GALNT14: variants seen among roughly 807,000 people sequenced by gnomAD.
The protein encoded by GALNT14 is UDP-GalNAc:polypeptide N-acetylgalactosaminyltransferase 14.
A neutral mutation model predicts 77.5 loss-of-function variants in GALNT14; 60 were observed. That is an observed-to-expected ratio of 0.77 (90% CI 0.63 to 0.96). The LOEUF (loss-of-function observed/expected upper bound fraction) is 0.96, where lower values mean the gene tolerates loss of function less well. Among genes scored for constraint, GALNT14 ranks in the 40% least tolerant of loss-of-function variants. GALNT14 has a pLI of 0.00. For missense variants in GALNT14, 710 were observed against 731.0 expected, an observed-to-expected ratio of 0.97 and a Z score of 0.33; for synonymous variants, 280 against 281.7, an observed-to-expected ratio of 0.99 and a Z score of 0.06.
chr2:30,960,591 C>T (rs1240030554), intron 3 of GALNT14, among the ~76,000 whole-genome samples: 3 of 152,046 alleles, frequency 2.0e-5, no homozygotes, highest in African/African-American at 4.8e-5. Flanking sequence ...GGAGCGATGG[C>T]GGAGTCCCCT....
chr2:30,938,363 C>A (rs1267291595), intron 9 of GALNT14, among the ~76,000 whole-genome samples: 1 of 144,302 alleles, frequency 6.9e-6, no homozygotes, highest in Non-Finnish European at 1.5e-5. Flanking sequence ...TCCTTTTACA[C>A]ACACACACAC....
chr2:30,894,705 C>T, the GALNT14 span, among the ~76,000 whole-genome samples: 1 of 152,220 alleles, frequency 6.6e-6, no homozygotes, highest in African/African-American at 2.4e-5. Context: ...CTCTGGTTGG[C>T]TATTACCCTG....
chr2:30,894,137 A>G, the GALNT14 span, among the ~76,000 whole-genome samples: 1 of 152,064 alleles, frequency 6.6e-6, no homozygotes, highest in East Asian at 1.9e-4. Context: ...GTGGCCTTTG[A>G]TAAGTTATTG....
At chr2:30,970,529 T>C (rs1668283682) in intron 2 of GALNT14, among the ~76,000 whole-genome samples, 1 of 152,108 alleles carries the variant, frequency 6.6e-6, no homozygotes, top group Admixed American at 6.5e-5. Context: ...CACGCCAGGT[T>C]CAGCTCATCG....
At chr2:30,959,704 T>C (rs925695072) in intron 3 of GALNT14, among the ~76,000 whole-genome samples, 12 of 152,232 alleles carry the variant, frequency 7.9e-5, no homozygotes, top group Admixed American at 2.0e-4. Context: ...ATTTGGTGCA[T>C]CATTAATGAT....
At chr2:30,986,637 A>T (rs1438143847) in intron 2 of GALNT14, among the ~76,000 whole-genome samples, 1 of 152,238 alleles carries the variant, frequency 6.6e-6, no homozygotes, top group Non-Finnish European at 1.5e-5. Context: ...AATGGCAAAA[A>T]ACGCAATTAC....
At chr2:30,994,795 A>G (rs985617729) in intron 1 of GALNT14, among the ~76,000 whole-genome samples, 4 of 152,156 alleles carry the variant, frequency 2.6e-5, no homozygotes, top group African/African-American at 7.2e-5. Flanking sequence ...GTGAGCCCTT[A>G]TGGTGCTCCG....
At chr2:30,922,880 G>T (rs567075028) in intron 13 of GALNT14, among the ~76,000 whole-genome samples, 6 of 152,308 alleles carry the variant, frequency 3.9e-5, no homozygotes, top group African/African-American at 1.4e-4. Flanking sequence ...GATAGATGAA[G>T]ATAAGGAATT....
At chr2:31,137,881 C>A in intron 1 of GALNT14, 77 bp downstream of exon 1, 2 of 1,526,776 alleles carry the variant, frequency 1.3e-6, no homozygotes, top group Admixed American at 2.1e-5. Context: ...TTCCCGGGAG[C>A]CCGCAAACCC....
At chr2:31,099,762 T>A (rs569043428) in intron 1 of GALNT14, among the ~76,000 whole-genome samples, 27 of 152,138 alleles carry the variant, frequency 1.8e-4, no homozygotes, top group Admixed American at 7.9e-4. Context: ...TGTGTGCATG[T>A]CTCTGTAGCA....
intron 1 of GALNT14, among the ~76,000 whole-genome samples, chr2:31,051,899 G>A (rs947553474): frequency 6.6e-6 from 1 of 152,154 alleles, no homozygotes; most frequent in Admixed American, 6.5e-5. Flanking sequence ...AAATAGCTTG[G>A]TGGACATTTC....
intron 1 of GALNT14, among the ~76,000 whole-genome samples, chr2:30,994,881 G>A (rs1016958665): frequency 2.0e-5 from 3 of 152,126 alleles, no homozygotes; most frequent in African/African-American, 7.2e-5. Context: ...AGACATGCAT[G>A]GAGATGCCTG....
intron 9 of GALNT14, among the ~76,000 whole-genome samples, chr2:30,941,544 T>C (rs1666376577): frequency 6.6e-6 from 1 of 152,084 alleles, no homozygotes; most frequent in African/African-American, 2.4e-5. Flanking sequence ...ATGGAATGGG[T>C]CTTTCTGACT....
At chr2:31,082,666 A>C (rs901322123) in intron 1 of GALNT14, among the ~76,000 whole-genome samples, 1 of 152,214 alleles carries the variant, frequency 6.6e-6, no homozygotes, top group Non-Finnish European at 1.5e-5. Context: ...TGGCATATGG[A>C]AAGTGCTCAA....
At chr2:30,958,193 T>C (rs1667480008) in intron 4 of GALNT14, among the ~76,000 whole-genome samples, 4 of 152,140 alleles carry the variant, frequency 2.6e-5, no homozygotes. Context: ...CTGCAGATTA[T>C]TGCAGAGAAC....
intron 1 of GALNT14, among the ~76,000 whole-genome samples, chr2:31,005,918 C>T (rs1243931525): frequency 6.6e-6 from 1 of 152,166 alleles, no homozygotes; most frequent in Non-Finnish European, 1.5e-5. Flanking sequence ...TTTTTATGCA[C>T]GTGGAGAGTG....
At chr2:31,062,558 A>G (rs998120479) in intron 1 of GALNT14, among the ~76,000 whole-genome samples, 4 of 152,164 alleles carry the variant, frequency 2.6e-5, no homozygotes, top group Non-Finnish European at 5.9e-5. Flanking sequence ...ATGATTTATA[A>G]TCTTTTGGGT....
At chr2:31,103,490 A>AACACACACACACACACAC (rs58852483) in intron 1 of GALNT14, among the ~76,000 whole-genome samples, 70 of 150,194 alleles carry the variant, frequency 4.7e-4, no homozygotes, top group African/African-American at 1.1e-3. Context: ...AGAAGAAGGA[A>AACACACACACACACACAC]ACACACACAC....
chr2:31,095,031 G>A (rs1315049214), intron 1 of GALNT14, among the ~76,000 whole-genome samples: 1 of 152,164 alleles, frequency 6.6e-6, no homozygotes, highest in Non-Finnish European at 1.5e-5. Context: ...TGAAGTCAAT[G>A]AACATATTCT....
Sources: gnomAD v4.1 joint callset for allele counts (sites outside exome capture counted in the v4.1 genomes callset) on GRCh38, gnomAD v4.1.1 for gene constraint, MANE v1.5 for transcripts, NCBI Gene and HGNC (gene_info 2026-07-23, HGNC 2026-07-21) for gene names.